PTPRO: variants seen among roughly 807,000 people sequenced by gnomAD.
PTPRO encodes the protein receptor-type tyrosine-protein phosphatase O.
Under a neutral mutation model 145.2 loss-of-function variants are expected in PTPRO, and 62 were observed. That is an observed-to-expected ratio of 0.43 (90% CI 0.35 to 0.53). PTPRO has a LOEUF of 0.53. Among genes scored for constraint, PTPRO ranks in the 20% least tolerant of loss-of-function variants. The pLI, the probability that PTPRO is intolerant of heterozygous loss-of-function variation, is 0.01. For synonymous variants in PTPRO, 565 were observed against 514.7 expected, an observed-to-expected ratio of 1.10 and a Z score of -1.32; for missense variants, 1,345 against 1,482.7, an observed-to-expected ratio of 0.91 and a Z score of 1.53.
At chr12:15,570,704 C>G (rs1323001835) in intron 19 of PTPRO, among the ~76,000 whole-genome samples, 3 of 152,064 alleles carry the variant, frequency 2.0e-5, no homozygotes, top group Admixed American at 1.3e-4. Flanking sequence ...GAAAGGAGGA[C>G]TTTTTTTCTA....
At chr12:15,341,616 G>T (rs1376055562) in intron 1 of PTPRO, among the ~76,000 whole-genome samples, 1 of 152,186 alleles carries the variant, frequency 6.6e-6, no homozygotes, top group Non-Finnish European at 1.5e-5. Context: ...GACAAAATGT[G>T]CTGTACTATT....
At chr12:15,564,741 A>G (rs997537020) in intron 17 of PTPRO, among the ~76,000 whole-genome samples, 5 of 152,228 alleles carry the variant, frequency 3.3e-5, no homozygotes, top group African/African-American at 1.2e-4. Context: ...AAAATTATGT[A>G]AAGACCTCTG....
At chr12:15,473,448 T>C (rs1031712398) in intron 1 of PTPRO, among the ~76,000 whole-genome samples, 1 of 152,190 alleles carries the variant, frequency 6.6e-6, no homozygotes, top group African/African-American at 2.4e-5. Context: ...GTTTGGAAGT[T>C]AGTTAAACAA....
chr12:15,581,734 T>A lies in PTPRO; in HGVS notation c.3188T>A (p.Ile1063Asn). 1 of 1,614,036 alleles carries A rather than the reference T, an allele frequency of 6.2e-7. No homozygotes were observed. Among genetic ancestry groups the A allele is most frequent in the Non-Finnish European group, 8.5e-7 (1 of 1,179,938 alleles). ...GAAGAACCTATAGCCTATGGAGACATCACTGTGGAGATGATTTCAGAGGAA... is the reference window on the plus strand; with the variant it reads ...GAAGAACCTATAGCCTATGGAGACAACACTGTGGAGATGATTTCAGAGGAA... ...FTEEPIAYGD[I>N]TVEMISEEEQ... Residue 1063 changes from isoleucine to asparagine, a missense_variant, in exon 23 of 27, where the codon ATC (isoleucine) becomes AAC (asparagine). By Grantham distance (149) the Ile-to-Asn change is moderately radical. Coordinates refer to ENST00000281171, the MANE Select transcript of PTPRO (RefSeq NM_030667.3).
At chr12:15,442,180 G>T (rs1940786105) in intron 1 of PTPRO, among the ~76,000 whole-genome samples, 2 of 152,138 alleles carry the variant, frequency 1.3e-5, no homozygotes, top group Admixed American at 6.6e-5. Flanking sequence ...TTCCTGGAAT[G>T]CAAGGCTGAT....
chr12:15,327,851 C>T (rs930302849), intron 1 of PTPRO, among the ~76,000 whole-genome samples: 17 of 151,996 alleles, frequency 1.1e-4, no homozygotes, highest in African/African-American at 3.6e-4. Flanking sequence ...AGGTGGCTCA[C>T]GCCTGTAATC....
At chr12:15,563,640 A>G (rs1428018477) in intron 17 of PTPRO, among the ~76,000 whole-genome samples, 1 of 152,154 alleles carries the variant, frequency 6.6e-6, no homozygotes, top group Non-Finnish European at 1.5e-5. Context: ...AAGTTCATTC[A>G]ATAATGAATG....
At chr12:15,441,927 CA>C (rs1404606459) in intron 1 of PTPRO, among the ~76,000 whole-genome samples, 10 of 152,130 alleles carry the variant, frequency 6.6e-5, no homozygotes, top group Non-Finnish European at 1.5e-4. Flanking sequence ...ACCAGATGTA[CA>C]AAAAGCTGGT....
chr12:15,508,507 A>G lies in PTPRO; in HGVS notation c.1268-64A>G, dbSNP rs888163. On this transcript the variant is annotated intron_variant, in intron 6 of 26. Transcript: ENST00000281171. The stretch of plus-strand genomic sequence containing the variant: ...AAAAGAAAACATGATTTTTTAAACC[A>G]GAATCTTTTATCTCAATCAGTGTAA... 0.63 allele frequency: 943,984 copies of G among 1,492,950 alleles called. 305,695 individuals carry two copies. The highest frequency in any genetic ancestry group is 0.73 in the Admixed American group (39,945 of 54,828). The allele number at this position is 1,492,950 out of a possible 1,614,324, so 92.5% of individuals were successfully genotyped here. A position where few individuals can be genotyped will look rare whatever the true frequency, so the allele number is the denominator to read the frequency against.
intron 1 of PTPRO, among the ~76,000 whole-genome samples, chr12:15,477,622 G>A (rs1941684861): frequency 6.6e-6 from 1 of 152,158 alleles, no homozygotes; most frequent in South Asian, 2.1e-4. Flanking sequence ...GCAAGGGTAT[G>A]GGGGCATTAA....
At chr12:15,469,327 T>G (rs1941485648) in intron 1 of PTPRO, among the ~76,000 whole-genome samples, 2 of 152,104 alleles carry the variant, frequency 1.3e-5, no homozygotes, top group Non-Finnish European at 2.9e-5. Flanking sequence ...TGCTTCATTT[T>G]ATGAAAATAA....
chr12:15,384,655 A>G (rs1296208797), intron 1 of PTPRO, among the ~76,000 whole-genome samples: 3 of 152,150 alleles, frequency 2.0e-5, no homozygotes, highest in Admixed American at 1.3e-4. Flanking sequence ...ATGCCGTTAC[A>G]TTGGGGGTTA....
chr12:15,550,462 T>C (rs557508036), intron 14 of PTPRO, among the ~76,000 whole-genome samples: 1 of 152,296 alleles, frequency 6.6e-6, no homozygotes, highest in South Asian at 2.1e-4. Flanking sequence ...ACTCATTTTG[T>C]TCAAGGGTCA....
chr12:15,440,171 G>GCTGGTAT (rs1373911808), intron 1 of PTPRO: 10 of 684,394 alleles, frequency 1.5e-5, no homozygotes, highest in Non-Finnish European at 2.3e-5. Flanking sequence ...GCTCATGATG[G>GCTGGTAT]CTGGTATCAA....
intron 1 of PTPRO, among the ~76,000 whole-genome samples, chr12:15,482,888 G>T (rs1941809364): frequency 2.0e-5 from 3 of 152,080 alleles, no homozygotes; most frequent in Non-Finnish European, 4.4e-5. Context: ...TTGTACTGGT[G>T]ACCATGGGCA....
chr12:15,350,628 T>TAATTG (rs1425962187), intron 1 of PTPRO, among the ~76,000 whole-genome samples: 1 of 152,178 alleles, frequency 6.6e-6, no homozygotes, highest in East Asian at 1.9e-4. Flanking sequence ...CTAGACAAAA[T>TAATTG]AATTGCTATC....
chr12:15,585,596 A>G (rs1436844376), intron 23 of PTPRO, among the ~76,000 whole-genome samples: 4 of 152,194 alleles, frequency 2.6e-5, no homozygotes, highest in South Asian at 2.1e-4. Context: ...TTTCTGTCCA[A>G]GACCACTGAC....
intron 21 of PTPRO, 80 bp from the exon 22 acceptor site, chr12:15,580,617 G>GT: frequency 1.9e-6 from 3 of 1,587,488 alleles, no homozygotes; most frequent in Non-Finnish European, 1.7e-6. Flanking sequence ...TAAGTTTTCA[G>GT]TTTTTTTCCC....
At chr12:15,411,322 AT>A (rs1939792350) in intron 1 of PTPRO, among the ~76,000 whole-genome samples, 1 of 152,176 alleles carries the variant, frequency 6.6e-6, no homozygotes. Context: ...TTAGGCTATT[AT>A]TTTATGTGAA....
Sources: allele counts gnomAD v4.1 joint callset (sites outside exome capture counted in the v4.1 genomes callset), GRCh38; gene constraint gnomAD v4.1.1; transcripts MANE v1.5; gene names NCBI Gene and HGNC (gene_info 2026-07-23, HGNC 2026-07-21).